Variants in SPATA16 observed in about 807,000 individuals in gnomAD.
SPATA16 encodes spermatogenesis associated 16, also known as spermatogenesis-associated protein 16.
SPATA16 carries 36 observed loss-of-function variants against 63.3 expected under a neutral mutation model. That is an observed-to-expected ratio of 0.57 (90% CI 0.44 to 0.75). The LOEUF (loss-of-function observed/expected upper bound fraction) is 0.75. Among genes scored for constraint, SPATA16 ranks in the 30% least tolerant of loss-of-function variants. The probability of loss-of-function intolerance (pLI) is 0.00; values close to 1 mark genes in which losing one functional copy is unlikely to be tolerated. For synonymous variants in SPATA16, 203 were observed against 216.7 expected (o/e 0.94, Z 0.56); for missense variants, 646 against 679.3 (o/e 0.95, Z 0.54).
chr3:173,023,394 T>C (rs1735381902), intron 3 of SPATA16, among the ~76,000 whole-genome samples: 1 of 152,050 alleles, frequency 6.6e-6, no homozygotes, highest in Admixed American at 6.6e-5. Flanking sequence ...TGACAGAAAA[T>C]GCTCTAATTA....
At chr3:173,103,259 G>A (rs1737537107) in intron 2 of SPATA16, among the ~76,000 whole-genome samples, 1 of 152,196 alleles carries the variant, frequency 6.6e-6, no homozygotes, top group Non-Finnish European at 1.5e-5. Context: ...CTAGAAGGTG[G>A]TGGCCCCCTT....
chr3:172,906,837 G>A (rs1468138983), intron 10 of SPATA16, among the ~76,000 whole-genome samples: 1 of 152,166 alleles, frequency 6.6e-6, no homozygotes, highest in African/African-American at 2.4e-5. Flanking sequence ...CGCTTCCGGG[G>A]TTCAAGCAAT....
rs192595015 is a variant in SPATA16 at position 173,131,673 on chromosome 3, G to A, written c.-19+9430C>T. 3.3e-3 allele frequency among the ~76,000 whole-genome samples: 504 copies of A among 152,258 alleles called. 10 individuals carry two copies. The highest frequency in any genetic ancestry group is 1.7e-3 in the Non-Finnish European group (116 of 68,008). On this transcript the variant is annotated intron_variant, in intron 1 of 10. Coordinates refer to ENST00000351008, the MANE Select transcript of SPATA16 (RefSeq NM_031955.6). ...AATTTTTGCGGTCTTACGAGACAAG[G>A]ATCCACAGGAGAAAGGGCTTTGGAG...
intron 8 of SPATA16, among the ~76,000 whole-genome samples, chr3:172,923,189 G>A (rs1482018500): frequency 6.6e-6 from 1 of 152,160 alleles, no homozygotes; most frequent in Non-Finnish European, 1.5e-5. Flanking sequence ...AGCCTGAGCT[G>A]ACTAAGGTAG....
At chr3:173,041,983 A>G (rs1735850674) in intron 3 of SPATA16, among the ~76,000 whole-genome samples, 1 of 152,170 alleles carries the variant, frequency 6.6e-6, no homozygotes, top group Non-Finnish European at 1.5e-5. Context: ...TATTGTATTT[A>G]AAATATCTCA....
At chr3:173,073,144 A>C (rs1270491004) in intron 2 of SPATA16, among the ~76,000 whole-genome samples, 1 of 152,242 alleles carries the variant, frequency 6.6e-6, no homozygotes, top group Admixed American at 6.5e-5. Context: ...GCAGCAAAGC[A>C]TTCAAGAGGT....
intron 4 of SPATA16, among the ~76,000 whole-genome samples, chr3:172,987,075 C>A (rs1577119828): frequency 6.6e-6 from 1 of 152,082 alleles, no homozygotes; most frequent in African/African-American, 2.4e-5. Context: ...AGTTATTGTT[C>A]CTATTAATAG....
In SPATA16 at chr3:173,117,527, T is replaced by G; in HGVS notation, c.205A>C (p.Ile69Leu). 6.2e-7 allele frequency: 1 copy of G among 1,614,182 alleles called. No homozygotes were observed. The change falls in exon 2 of 11, where the codon ATC becomes CTC. Residue 69 changes from isoleucine (I) to leucine (L), a missense_variant. Ile to Leu is a conservative substitution (Grantham distance 5, BLOSUM62 2). Coordinates refer to ENST00000351008, the MANE Select transcript of SPATA16 (RefSeq NM_031955.6). ...AAATCATTGCTTTGTTTTTCTTTGA[T>G]GCCCTTTGTCATTTTTGTTCTTTCA... ...TLERTKMTKG[I>L]KEKQSNDLEK...
At chr3:172,944,933 A>G (rs1733245488) in intron 6 of SPATA16, among the ~76,000 whole-genome samples, 2 of 152,212 alleles carry the variant, frequency 1.3e-5, no homozygotes, top group Non-Finnish European at 2.9e-5. Flanking sequence ...ATGCGAATGT[A>G]GTTAATGCTG....
At chr3:172,955,441 A>C (rs1316646595) in intron 6 of SPATA16, among the ~76,000 whole-genome samples, 1 of 152,224 alleles carries the variant, frequency 6.6e-6, no homozygotes. Flanking sequence ...AATTAACAAA[A>C]AATATGAGTT....
chr3:172,963,054 T>C (rs1450476961), intron 5 of SPATA16, among the ~76,000 whole-genome samples: 1 of 152,122 alleles, frequency 6.6e-6, no homozygotes, highest in Non-Finnish European at 1.5e-5. Context: ...TAGTCAAGAT[T>C]TACATTTTTA....
chr3:173,123,558 T>C (rs999714165), intron 1 of SPATA16, among the ~76,000 whole-genome samples: 3 of 152,118 alleles, frequency 2.0e-5, no homozygotes, highest in African/African-American at 4.8e-5. Context: ...AATTTATAAG[T>C]TAACTTGAAT....
intron 2 of SPATA16, among the ~76,000 whole-genome samples, chr3:173,104,678 A>G (rs1214291493): frequency 1.3e-5 from 2 of 152,202 alleles, no homozygotes; most frequent in Non-Finnish European, 2.9e-5. Flanking sequence ...ACTCTAGCAC[A>G]GAGGATTACA....
intron 3 of SPATA16, among the ~76,000 whole-genome samples, chr3:173,030,409 T>C (rs1180834203): frequency 6.6e-6 from 1 of 151,934 alleles, no homozygotes; most frequent in Non-Finnish European, 1.5e-5. Flanking sequence ...CTGTTAAAAA[T>C]GGACAAAGAA....
intron 2 of SPATA16, among the ~76,000 whole-genome samples, chr3:173,109,207 C>A (rs1306908186): frequency 6.6e-6 from 1 of 152,060 alleles, no homozygotes; most frequent in Non-Finnish European, 1.5e-5. Flanking sequence ...CTCATTTGGC[C>A]CCCTCTTCCA....
intron 2 of SPATA16, among the ~76,000 whole-genome samples, chr3:173,053,376 C>CTAATAATAA (rs537862127): frequency 6.6e-6 from 1 of 151,272 alleles, no homozygotes; most frequent in Non-Finnish European, 1.5e-5. Context: ...GATTCAGTCT[C>CTAATAATAA]TAATAATAAT....
chr3:173,018,961 G>C (rs1211025436), intron 4 of SPATA16, among the ~76,000 whole-genome samples: 1 of 152,120 alleles, frequency 6.6e-6, no homozygotes, highest in Non-Finnish European at 1.5e-5. Flanking sequence ...CTTTGCCACA[G>C]TCTAAGTTCT....
At chr3:172,889,717 A>G in intron 10 of SPATA16, 25 bp from the exon 11 acceptor site, 1 of 1,610,926 alleles carries the variant, frequency 6.2e-7, no homozygotes, top group Non-Finnish European at 8.5e-7. Context: ...CAGATGCAAC[A>G]AGATTTGTTG....
chr3:173,070,460 AG>A (rs1190322671), intron 2 of SPATA16, among the ~76,000 whole-genome samples: 4 of 151,954 alleles, frequency 2.6e-5, no homozygotes, highest in African/African-American at 4.8e-5. Flanking sequence ...TAGAAGCCCT[AG>A]TCAGAGCAAA....
Sources: gnomAD v4.1 joint callset for allele counts (sites outside exome capture counted in the v4.1 genomes callset) on GRCh38, gnomAD v4.1.1 for gene constraint, MANE v1.5 for transcripts, NCBI Gene and HGNC (gene_info 2026-07-23, HGNC 2026-07-21) for gene names.